MECOM: variants seen among roughly 807,000 people sequenced by gnomAD.
MECOM encodes the protein MDS1 and EVI1 complex locus, also known as histone-lysine N-methyltransferase MECOM.
MECOM carries 13 observed loss-of-function variants against 116.3 expected under a neutral mutation model. The observed-to-expected ratio is 0.11, with a 90% CI of 0.07 to 0.18. The LOEUF is 0.18. Ranked by LOEUF, MECOM falls within the 10% of genes least tolerant of loss-of-function variation. MECOM has a pLI of 1.00. For missense variants in MECOM, 1,299 were observed against 1,509.0 expected, an observed-to-expected ratio of 0.86 and a Z score of 2.31; for synonymous variants, 528 against 535.2, an observed-to-expected ratio of 0.99 and a Z score of 0.19.
At chr3:169,217,988 C>T (rs1346627083) in intron 2 of MECOM, among the ~76,000 whole-genome samples, 1 of 151,630 alleles carries the variant, frequency 6.6e-6, no homozygotes, top group Non-Finnish European at 1.5e-5. Context: ...TTATCAGTGA[C>T]TCTAATTAAA....
At chr3:169,487,230 G>A (rs1321103497) in intron 1 of MECOM, among the ~76,000 whole-genome samples, 1 of 151,882 alleles carries the variant, frequency 6.6e-6, no homozygotes, top group Non-Finnish European at 1.5e-5. Context: ...GGAAGGAGTA[G>A]GATACAAGAA....
At chr3:169,097,233 G>C (rs115165408) in intron 12 of MECOM, among the ~76,000 whole-genome samples, 4 of 151,902 alleles carry the variant, frequency 2.6e-5, no homozygotes, top group African/African-American at 9.7e-5. Flanking sequence ...TGCACACAAA[G>C]GGTCTTTTCC....
intron 1 of MECOM, among the ~76,000 whole-genome samples, chr3:169,576,176 C>T (rs73028347): frequency 0.019 from 2,897 of 152,096 alleles, 100 homozygotes; most frequent in African/African-American, 0.066. Flanking sequence ...GTATGTTTTC[C>T]CCAGGCACCA....
At chr3:169,588,104 TAAAG>T (rs1288610304) in intron 1 of MECOM, among the ~76,000 whole-genome samples, 1 of 152,198 alleles carries the variant, frequency 6.6e-6, no homozygotes, top group Non-Finnish European at 1.5e-5. Context: ...TAAAATTACA[TAAAG>T]AGAGACCTGG....
chr3:169,261,727 AG>A (rs1757570655), intron 2 of MECOM, among the ~76,000 whole-genome samples: 1 of 118,404 alleles, frequency 8.4e-6, no homozygotes, highest in Non-Finnish European at 1.8e-5. Context: ...GAGAAGGAGA[AG>A]GAGAAGGAGA....
intron 1 of MECOM, among the ~76,000 whole-genome samples, chr3:169,472,562 G>A (rs1349906702): frequency 2.4e-4 from 13 of 54,430 alleles, no homozygotes; most frequent in African/African-American, 6.3e-4. Flanking sequence ...AGAAAAGAGA[G>A]GAGAGGAGAG....
At chr3:169,647,327 A>G (rs961869710) in intron 1 of MECOM, among the ~76,000 whole-genome samples, 8 of 152,216 alleles carry the variant, frequency 5.3e-5, no homozygotes, top group Admixed American at 5.2e-4. Flanking sequence ...GATTAACTGC[A>G]GTGACGCATG....
At chr3:169,309,854 G>A (rs1718416026) in intron 2 of MECOM, among the ~76,000 whole-genome samples, 1 of 152,186 alleles carries the variant, frequency 6.6e-6, no homozygotes, top group Non-Finnish European at 1.5e-5. Flanking sequence ...TGTAAAGCGA[G>A]AGTGTGGGCT....
chr3:169,309,499 T>C (rs77538636), intron 2 of MECOM, among the ~76,000 whole-genome samples: 1 of 152,148 alleles, frequency 6.6e-6, no homozygotes, highest in Non-Finnish European at 1.5e-5. Context: ...CAATTACATA[T>C]AGAGGGAAAC....
At chr3:169,355,998 G>C (rs1727212552) in intron 2 of MECOM, among the ~76,000 whole-genome samples, 1 of 151,812 alleles carries the variant, frequency 6.6e-6, no homozygotes, top group African/African-American at 2.4e-5. Flanking sequence ...AAAGGTCTTA[G>C]TTTTTAATTA....
chr3:169,394,321 G>A (rs1204429658), intron 1 of MECOM, among the ~76,000 whole-genome samples: 2 of 152,284 alleles, frequency 1.3e-5, no homozygotes, highest in Admixed American at 6.5e-5. Flanking sequence ...GGGAGATAAG[G>A]CAAATGCCCA....
At chr3:169,401,316 A>AC (rs1735857757) in intron 1 of MECOM, among the ~76,000 whole-genome samples, 3 of 143,220 alleles carry the variant, frequency 2.1e-5, no homozygotes, top group Admixed American at 7.2e-5. Flanking sequence ...AAATTCTCCC[A>AC]CCCCCACCCC....
At chr3:169,106,233 C>A (rs2148991191) in intron 10 of MECOM, among the ~76,000 whole-genome samples, 1 of 152,038 alleles carries the variant, frequency 6.6e-6, no homozygotes, top group South Asian at 2.1e-4. Context: ...GTAAATATTC[C>A]TATTTTATGG....
chr3:169,105,312 C>T (rs183775777), intron 10 of MECOM, among the ~76,000 whole-genome samples: 2 of 152,028 alleles, frequency 1.3e-5, no homozygotes, highest in Non-Finnish European at 2.9e-5. Flanking sequence ...CTAGTCAACA[C>T]CTTAGATTAA....
intron 1 of MECOM, among the ~76,000 whole-genome samples, chr3:169,549,746 T>G (rs776797548): frequency 1.3e-5 from 2 of 152,214 alleles, no homozygotes; most frequent in Non-Finnish European, 2.9e-5. Context: ...ATTTTCAGCA[T>G]AGCTTTTCTG....
At chr3:169,426,699 A>G (rs1359860914) in intron 1 of MECOM, among the ~76,000 whole-genome samples, 1 of 152,236 alleles carries the variant, frequency 6.6e-6, no homozygotes, top group East Asian at 1.9e-4. Context: ...GGGCTAGAAG[A>G]GTAATTGCAG....
chr3:169,278,986 G>C (rs1759952200), intron 2 of MECOM, among the ~76,000 whole-genome samples: 1 of 152,214 alleles, frequency 6.6e-6, no homozygotes, highest in Non-Finnish European at 1.5e-5. Context: ...GCTCAGGAGT[G>C]CTTGCTGAGT....
At chr3:169,297,791 T>C (rs980289981) in intron 2 of MECOM, among the ~76,000 whole-genome samples, 3 of 152,232 alleles carry the variant, frequency 2.0e-5, no homozygotes, top group African/African-American at 7.2e-5. Flanking sequence ...TTCTTCCTCA[T>C]GGCAAATGTG....
chr3:169,163,521 A>G (rs549925565), intron 2 of MECOM, among the ~76,000 whole-genome samples: 17 of 152,178 alleles, frequency 1.1e-4, no homozygotes, highest in Non-Finnish European at 8.8e-5. Context: ...CTTAGTATAC[A>G]TCATTTCATG....
Sources: gnomAD v4.1 joint callset for allele counts (sites outside exome capture counted in the v4.1 genomes callset) on GRCh38, gnomAD v4.1.1 for gene constraint, MANE v1.5 for transcripts, NCBI Gene and HGNC (gene_info 2026-07-23, HGNC 2026-07-21) for gene names.